QRICH2: variants seen among roughly 807,000 people sequenced by gnomAD.
QRICH2 encodes the protein glutamine-rich protein 2.
In QRICH2, 119 loss-of-function variants were observed where a neutral mutation model predicts 168.3. The ratio of observed to expected loss-of-function variants is 0.71; its 90% CI spans 0.61 to 0.82. The LOEUF (loss-of-function observed/expected upper bound fraction) is 0.82, where lower values mean the gene tolerates loss of function less well. QRICH2 is among the 40% of genes least tolerant of loss of function. The probability of loss-of-function intolerance (pLI) is 0.00; values close to 1 mark genes in which losing one functional copy is unlikely to be tolerated. For missense variants in QRICH2, 2,241 were observed against 2,491.6 expected, an observed-to-expected ratio of 0.90 and a Z score of 2.14; for synonymous variants, 894 against 951.2, an observed-to-expected ratio of 0.94 and a Z score of 1.11.
At chr17:76,277,077 A>AT (rs2070693770) in intron 16 of QRICH2, 86 bp downstream of exon 16, 1 of 1,407,010 alleles carries the variant, frequency 7.1e-7, no homozygotes, top group Admixed American at 2.6e-5. Context: ...GGGCTGGCTG[A>AT]TTTTCTGGTG....
rs762064495 is a variant in QRICH2 at position 76,291,790 on chromosome 17, T to G, written c.2937A>C (p.Pro979=). The change falls in exon 4 of 19, where the codon CCA becomes CCC. Residue 979 remains proline (P), a synonymous_variant. Coordinates refer to ENST00000680821, the MANE Select transcript of QRICH2 (RefSeq NM_001388453.1). ...YGLRQPGAYQ[P]GLIAPGTKLR... is the part of the protein sequence containing the mutation. ...GCTTTGTGCCTGGTGCTATCAAGCC[T>G]GGCTGATATGCACCAGGTTGTCTCA... 15 of 1,614,048 alleles carry G rather than the reference T, an allele frequency of 9.3e-6. No individual in the cohort carries two copies. The highest frequency in any genetic ancestry group is 1.3e-5 in the African/African-American group (1 of 74,936).
chr17:76,275,935 G>A lies in QRICH2; in HGVS notation c.5366C>T (p.Ser1789Leu), dbSNP rs1245513526. The A allele has an allele frequency of 2.0e-5, 32 of 1,607,790 alleles. No individual in the cohort carries two copies. The highest frequency in any genetic ancestry group is 2.7e-5 in the Non-Finnish European group (32 of 1,179,890). Residue 1789 changes from serine to leucine, a missense_variant, in exon 18 of 19, where the codon TCA becomes TTA. Around this residue, in one of 3 missense-constraint regions of QRICH2, gnomAD observed 189 missense variants for 169.3 expected, o/e 1.12. Transcript: ENST00000680821. ...CCTGGGCTGCTGGGACTTGCGCTTTGAGGTCCCTGAGCCTGATGGGGGACA... is the reference window on the plus strand; with the variant it reads ...CCTGGGCTGCTGGGACTTGCGCTTTAAGGTCCCTGAGCCTGATGGGGGACA... The part of the protein sequence containing the change: ...GILRKDSSGT[S>L]KRKSQQPRPH...
At chr17:76,283,369 C>A (rs1430153987) in intron 7 of QRICH2, among the ~76,000 whole-genome samples, 2 of 151,936 alleles carry the variant, frequency 1.3e-5, no homozygotes, top group Non-Finnish European at 2.9e-5. Flanking sequence ...GGAAGTGGGG[C>A]CTCCAAAAAA....
At position 76,291,883 on chromosome 17, in the gene QRICH2, C is replaced by T. The variant is rs1241386821; in HGVS notation, c.2844G>A (p.Leu948=). ...ATGTCCCAGATTGAGATAAATCATGCAAATATGCACCAGGTTGTACCAAAC... is the reference window on the plus strand; with the variant it reads ...ATGTCCCAGATTGAGATAAATCATGTAAATATGCACCAGGTTGTACCAAAC... ...PLGLVQPGAY[L]HDLSQSGTYP... The change falls in exon 4 of 19, where the codon TTG becomes TTA. Residue 948 remains leucine, a synonymous_variant. Coordinates refer to ENST00000680821, the MANE Select transcript of QRICH2 (RefSeq NM_001388453.1). 4 of 1,614,054 alleles carry T rather than the reference C, an allele frequency of 2.5e-6. No homozygotes were observed. The African/African-American group carries it at 4.0e-5, about 16-fold the overall frequency.
rs1303249610 is a variant in QRICH2, at chr17:76,291,108, A to T, written c.3619T>A (p.Tyr1207Asn). ...TTCATACTCTCCTTTAGCCCCACATAGAGGCTACTGAGCTCTCCCATCAGA... is the reference window on the plus strand; with the variant it reads ...TTCATACTCTCCTTTAGCCCCACATTGAGGCTACTGAGCTCTCCCATCAGA... ...FHLMGELSSLYVGLKESMKDL... is the reference protein window; with the variant it reads ...FHLMGELSSLNVGLKESMKDL... The change falls in exon 4 of 19, where the codon TAT becomes AAT. Residue 1207 changes from tyrosine to asparagine, a missense_variant. Transcript: ENST00000680821. The T allele has an allele frequency of 3.7e-6, 6 of 1,614,152 alleles. No homozygotes were observed. Among genetic ancestry groups the T allele is most frequent in the Non-Finnish European group, 5.1e-6 (6 of 1,180,024 alleles).
intron 3 of QRICH2, among the ~76,000 whole-genome samples, chr17:76,295,098 A>AAATG (rs71906802): frequency 4.6e-5 from 7 of 151,344 alleles, no homozygotes; most frequent in African/African-American, 1.7e-4. Context: ...ATAAATAAAT[A>AAATG]AATAAATAAA....
intron 5 of QRICH2, among the ~76,000 whole-genome samples, chr17:76,289,097 G>A (rs548119302): frequency 7.0e-6 from 1 of 142,940 alleles, no homozygotes; most frequent in Non-Finnish European, 1.5e-5. Context: ...GAGTGAGACT[G>A]TGTCTCAAAA....
intron 1 of QRICH2, among the ~76,000 whole-genome samples, chr17:76,306,894 A>G (rs2070999252): frequency 6.6e-6 from 1 of 151,986 alleles, no homozygotes; most frequent in Admixed American, 6.6e-5. Context: ...CTCAAAAAAA[A>G]AAAAAGTCCA....
chr17:76,288,102 G>T (rs1449622365), intron 5 of QRICH2, among the ~76,000 whole-genome samples: 1 of 152,184 alleles, frequency 6.6e-6, no homozygotes, highest in Non-Finnish European at 1.5e-5. Context: ...GAATGACTGG[G>T]CCAGGCACGA....
chr17:76,275,982 G>A, intron 17 of QRICH2, 35 bp from the exon 18 acceptor site: 2 of 1,598,480 alleles, frequency 1.3e-6, no homozygotes, highest in Non-Finnish European at 1.7e-6. Context: ...TCAGTGCTGA[G>A]GCAGCGGTGA....
intron 7 of QRICH2, among the ~76,000 whole-genome samples, chr17:76,286,913 G>T (rs1222474356): frequency 6.6e-6 from 1 of 151,510 alleles, no homozygotes; most frequent in Admixed American, 6.6e-5. Flanking sequence ...AAGATCGAAT[G>T]GGAGGTAAAC....
At chr17:76,278,679 C>A (rs1330839841) in intron 14 of QRICH2, among the ~76,000 whole-genome samples, 2 of 152,192 alleles carry the variant, frequency 1.3e-5, no homozygotes, top group African/African-American at 4.8e-5. Context: ...ACCGGACCCT[C>A]CCCCCACCGC....
At chr17:76,308,315 TAAC>T, upstream of QRICH2, 2 of 985,348 alleles carry the variant, frequency 2.0e-6, no homozygotes, top group Non-Finnish European at 2.4e-6. Flanking sequence ...AGATTCCACG[TAAC>T]AACACGCCTC....
At position 76,307,525 on chromosome 17, in the gene QRICH2, G is replaced by C. The variant is rs767489699; in HGVS notation, c.474C>G (p.Phe158Leu). Reference protein sequence around the residue: ...PEEQEVGVRAFDRVRTGSIMK... With the variant: ...PEEQEVGVRALDRVRTGSIMK... ...TGATACTCCCAGTCCGCACCCTATC[G>C]AACGCCCGCACGCCCACCTCCTGCT... is the stretch of plus-strand genomic sequence containing the variant. Residue 158 changes from phenylalanine (F) to leucine (L), a missense_variant, in exon 1 of 19, where the codon TTC (phenylalanine) becomes TTG (leucine). Physicochemically the swap from Phe to Leu is conservative, Grantham distance 22. Coordinates refer to ENST00000680821, the MANE Select transcript of QRICH2 (RefSeq NM_001388453.1). The surrounding 1 kb of genome is among the most constrained non-coding windows in gnomAD (Gnocchi z 5.3). 1 of 1,609,872 alleles carries C rather than the reference G, an allele frequency of 6.2e-7. No individual in the cohort carries two copies. Among genetic ancestry groups the C allele is most frequent in the African/African-American group, 1.3e-5 (1 of 74,858 alleles).
intron 7 of QRICH2, among the ~76,000 whole-genome samples, chr17:76,284,093 G>A (rs1323115357): frequency 8.1e-5 from 11 of 135,268 alleles, no homozygotes; most frequent in South Asian, 4.4e-4. Flanking sequence ...ACTTGAACCC[G>A]GGAGGTGGAG....
At chr17:76,285,244 GC>G (rs753860408) in intron 7 of QRICH2, among the ~76,000 whole-genome samples, 1 of 152,070 alleles carries the variant, frequency 6.6e-6, no homozygotes, top group East Asian at 2.0e-4. Flanking sequence ...TGATTCTCCT[GC>G]CCCAGCCTCC....
At chr17:76,294,877 A>T (rs916344378) in intron 3 of QRICH2, among the ~76,000 whole-genome samples, 1 of 151,546 alleles carries the variant, frequency 6.6e-6, no homozygotes, top group Non-Finnish European at 1.5e-5. Flanking sequence ...AATACAAGTG[A>T]TCTCTCTGGA....
At chr17:76,287,042 TA>T (rs1555673189) in intron 7 of QRICH2, 149 bp downstream of exon 7, 2 of 118,704 alleles carry the variant, frequency 1.7e-5, no homozygotes, top group Non-Finnish European at 3.1e-5. Context: ...ACACACCACA[TA>T]ACACACACAC....
rs775494384 is a variant in QRICH2 at position 76,278,174 on chromosome 17, G to A, written c.4932C>T (p.Ser1644=). Residue 1644 remains serine, a synonymous_variant, in exon 15 of 19, where the codon AGC becomes AGT. Transcript: ENST00000680821. ...GCGCCAGGTCACCCCGAGGGAAGGC[G>A]CTGCCCAGCTTGAGGCTGCAGGGTG... The part of the protein sequence containing the change: ...RQHSRNLKLG[S]AFPRGDLAQM... 1.3e-5 allele frequency: 21 copies of A among 1,606,920 alleles called. No individual in the cohort carries two copies. The highest frequency in any genetic ancestry group is 2.2e-5 in the South Asian group (2 of 91,078).
Sources: gnomAD v4.1 joint callset for allele counts (sites outside exome capture counted in the v4.1 genomes callset) on GRCh38, gnomAD v4.1.1 for gene constraint, gnomAD v4.1.1 regional missense constraint, Gnocchi (gnomAD v3.1) non-coding constraint, MANE v1.5 for transcripts, NCBI Gene and HGNC (gene_info 2026-07-23, HGNC 2026-07-21) for gene names.